Variants in GPC5 observed in about 807,000 individuals in gnomAD.
GPC5 encodes glypican-5.
Under a neutral mutation model 53.9 loss-of-function variants are expected in GPC5, and 47 were observed. The observed-to-expected ratio is 0.87, with a 90% CI of 0.69 to 1.11. The LOEUF is 1.11. GPC5 is among the 50% of genes most tolerant of loss of function. The pLI is 0.00. For missense variants in GPC5, 748 were observed against 713.1 expected, an observed-to-expected ratio of 1.05 and a Z score of -0.56; for synonymous variants, 286 against 263.3, an observed-to-expected ratio of 1.09 and a Z score of -0.84.
chr13:92,741,997 G>C (rs1889110785), intron 7 of GPC5, among the ~76,000 whole-genome samples: 1 of 151,838 alleles, frequency 6.6e-6, no homozygotes, highest in African/African-American at 2.4e-5. Context: ...TTGGACATTT[G>C]GGTTGGTTCC....
chr13:92,097,546 T>C (rs1181432747), intron 6 of GPC5, among the ~76,000 whole-genome samples: 1 of 152,188 alleles, frequency 6.6e-6, no homozygotes, highest in Non-Finnish European at 1.5e-5. Context: ...CTCATAGACG[T>C]CTTACATCAT....
At chr13:91,650,750 G>GTTTTGTTTTTTTTTTTTTTTT (rs1555333961) in intron 2 of GPC5, among the ~76,000 whole-genome samples, 11 of 99,602 alleles carry the variant, frequency 1.1e-4, no homozygotes, top group African/African-American at 4.5e-4. Context: ...ATTCCCATAA[G>GTTTTGTTTTTTTTTTTTTTTT]TTTTTTTTTT....
chr13:92,282,935 G>A (rs932648691), intron 7 of GPC5, among the ~76,000 whole-genome samples: 8 of 152,280 alleles, frequency 5.3e-5, no homozygotes, highest in African/African-American at 1.9e-4. Flanking sequence ...CCAATTAAAA[G>A]ACACAGACTG....
At chr13:92,213,115 A>G (rs965897706) in intron 7 of GPC5, among the ~76,000 whole-genome samples, 1 of 152,232 alleles carries the variant, frequency 6.6e-6, no homozygotes, top group African/African-American at 2.4e-5. Context: ...TTTCTCTCTG[A>G]ACTCAAAGCT....
rs558419570 is a variant in GPC5 at position 92,473,139 on chromosome 13, A to G, written c.1561+328150A>G. On this transcript the variant is annotated intron_variant, in intron 7 of 7. Transcript: ENST00000377067. ...TGGTGGTCTGAACAGCACAAACCAC[A>G]TATTTTCATCCATCGTCTAGATCTT... Among the ~76,000 whole-genome samples, 22 of 152,216 alleles carry G rather than the reference A, an allele frequency of 1.4e-4. No individual in the cohort carries two copies. In the East Asian group the frequency reaches 2.1e-3, roughly 15 times the overall value.
chr13:92,439,278 A>G (rs1226465473), intron 7 of GPC5, among the ~76,000 whole-genome samples: 3 of 152,182 alleles, frequency 2.0e-5, no homozygotes, highest in Admixed American at 6.5e-5. Flanking sequence ...GAATGGAGAG[A>G]GTAGTCAACA....
intron 7 of GPC5, among the ~76,000 whole-genome samples, chr13:92,392,754 G>A (rs1594162995): frequency 6.6e-6 from 1 of 152,092 alleles, no homozygotes; most frequent in Non-Finnish European, 1.5e-5. Context: ...AACAGAGACT[G>A]CTCAAAAGAA....
At chr13:91,987,432 G>A (rs1434849329) in intron 6 of GPC5, among the ~76,000 whole-genome samples, 3 of 152,142 alleles carry the variant, frequency 2.0e-5, no homozygotes, top group Admixed American at 1.3e-4. Flanking sequence ...GAAAACTCAG[G>A]CTGATTGGAC....
At chr13:92,489,833 T>A (rs1382547002) in intron 7 of GPC5, among the ~76,000 whole-genome samples, 3 of 151,342 alleles carry the variant, frequency 2.0e-5, no homozygotes, top group Non-Finnish European at 4.4e-5. Context: ...AAGGAACTCT[T>A]GGTTGAATGT....
chr13:92,829,123 C>G (rs1055854632), intron 7 of GPC5, among the ~76,000 whole-genome samples: 7 of 152,096 alleles, frequency 4.6e-5, no homozygotes, highest in African/African-American at 1.4e-4. Context: ...TGTATGTCTA[C>G]GCAAAGCACT....
intron 2 of GPC5, among the ~76,000 whole-genome samples, chr13:91,556,750 A>G (rs1179061971): frequency 6.6e-6 from 1 of 152,006 alleles, no homozygotes; most frequent in Non-Finnish European, 1.5e-5. Flanking sequence ...GTTCTCACTC[A>G]TAAGTGGGAG....
chr13:92,363,836 CA>C (rs2043587557), intron 7 of GPC5, among the ~76,000 whole-genome samples: 2 of 151,526 alleles, frequency 1.3e-5, no homozygotes, highest in South Asian at 4.1e-4. Context: ...AGCAAAGAAA[CA>C]GAAAAATATT....
At chr13:92,669,854 A>C (rs940000626) in intron 7 of GPC5, among the ~76,000 whole-genome samples, 1 of 152,164 alleles carries the variant, frequency 6.6e-6, no homozygotes, top group African/African-American at 2.4e-5. Flanking sequence ...GTCCCTTCAT[A>C]GTCAATAGCC....
At chr13:91,757,381 A>C (rs1286438766) in intron 5 of GPC5, among the ~76,000 whole-genome samples, 1 of 152,146 alleles carries the variant, frequency 6.6e-6, no homozygotes, top group East Asian at 1.9e-4. Context: ...AATGAAAGAT[A>C]GGGTGTTAAG....
At chr13:92,697,320 C>T (rs1002045535) in intron 7 of GPC5, among the ~76,000 whole-genome samples, 4 of 152,122 alleles carry the variant, frequency 2.6e-5, no homozygotes, top group African/African-American at 9.7e-5. Context: ...TTGATTCTTC[C>T]TATCCATGAG....
chr13:91,437,956 C>T lies in GPC5; in HGVS notation c.164-10805C>T, dbSNP rs972437467. On this transcript the variant is annotated intron_variant, in intron 1 of 7. Transcript: ENST00000377067. ...TACCTTTTCTTCCAGTTGATCACAT[C>T]GGCTACTGAGGCTTGTGCATTTGTC... 5.3e-5 allele frequency among the ~76,000 whole-genome samples: 8 copies of T among 152,176 alleles called. No individual in the cohort carries two copies. The South Asian group carries it at 6.2e-4, about 12-fold the overall frequency.
chr13:91,439,635 C>T (rs145324687), intron 1 of GPC5, among the ~76,000 whole-genome samples: 3 of 152,122 alleles, frequency 2.0e-5, no homozygotes, highest in African/African-American at 7.2e-5. Context: ...TTCTCCTTTT[C>T]TCTTGATGGT....
intron 3 of GPC5, among the ~76,000 whole-genome samples, chr13:91,699,630 A>G (rs923301945): frequency 6.6e-6 from 1 of 152,212 alleles, no homozygotes; most frequent in Admixed American, 6.5e-5. Flanking sequence ...AATTTGTAAC[A>G]ATTGAGAGCG....
intron 7 of GPC5, among the ~76,000 whole-genome samples, chr13:92,635,698 C>T (rs1184371874): frequency 1.3e-5 from 2 of 152,208 alleles, no homozygotes; most frequent in African/African-American, 4.8e-5. Flanking sequence ...GTAGAGTTCT[C>T]AACAGATCTC....
Sources: allele counts gnomAD v4.1 joint callset (sites outside exome capture counted in the v4.1 genomes callset), GRCh38; gene constraint gnomAD v4.1.1; transcripts MANE v1.5; gene names NCBI Gene and HGNC (gene_info 2026-07-23, HGNC 2026-07-21).